Variants in INTS7 observed in about 807,000 individuals in gnomAD.
INTS7 encodes chromosome 1 open reading frame 73.
INTS7 carries 46 observed loss-of-function variants against 109.2 expected under a neutral mutation model. The observed-to-expected ratio is 0.42, with a 90% CI of 0.33 to 0.54. The LOEUF (loss-of-function observed/expected upper bound fraction) is 0.54, where lower values mean the gene tolerates loss of function less well. Ranked by LOEUF, INTS7 falls within the 20% of genes least tolerant of loss-of-function variation. The probability of loss-of-function intolerance (pLI) is 0.07; values close to 1 mark genes in which losing one functional copy is unlikely to be tolerated. For missense variants in INTS7, 929 were observed against 1,132.4 expected (o/e 0.82, Z 2.58); for synonymous variants, 412 against 402.9 (o/e 1.02, Z -0.27).
intron 16 of INTS7, among the ~76,000 whole-genome samples, chr1:211,961,497 T>C (rs922627922): frequency 6.6e-6 from 1 of 151,880 alleles, no homozygotes; most frequent in Non-Finnish European, 1.5e-5. Flanking sequence ...TGGCATGATC[T>C]TGGCTCACTG....
intron 1 of INTS7, among the ~76,000 whole-genome samples, chr1:212,023,889 A>G (rs1214911298): frequency 6.6e-6 from 1 of 151,872 alleles, no homozygotes; most frequent in Non-Finnish European, 1.5e-5. Flanking sequence ...TAATTTTTGT[A>G]TATGGTGAAA....
At position 212,024,408 on chromosome 1, in the gene INTS7, G is replaced by T. The variant is rs1666833339; in HGVS notation, c.95-3196C>A. On this transcript the variant is annotated intron_variant, in intron 1 of 19. Coordinates refer to ENST00000366994, the MANE Select transcript of INTS7 (RefSeq NM_015434.4). ...AGTGTTTTGTAGTTCTCGTTGTAGA[G>T]ATCTTTCACCTCCTTGGTTAGATGT... Among the ~76,000 whole-genome samples, 2 of 152,034 alleles carry T rather than the reference G, an allele frequency of 1.3e-5. 1 individual carries two copies. Among genetic ancestry groups the T allele is most frequent in the Admixed American group, 1.3e-4 (2 of 15,266 alleles).
intron 18 of INTS7, 61 bp from the exon 19 acceptor site, chr1:211,945,030 A>C (rs963519401): frequency 8.1e-5 from 122 of 1,505,704 alleles, no homozygotes; most frequent in Non-Finnish European, 7.8e-5. Flanking sequence ...TCCGACAAAC[A>C]TGTCTGTGCT....
intron 7 of INTS7, among the ~76,000 whole-genome samples, chr1:211,999,669 C>T (rs571411851): frequency 6.6e-6 from 1 of 152,214 alleles, no homozygotes; most frequent in East Asian, 1.9e-4. Context: ...ACATAATTTA[C>T]AAAATGCGGT....
At chr1:211,984,288 C>T (rs1029307677) in intron 8 of INTS7, among the ~76,000 whole-genome samples, 1 of 152,114 alleles carries the variant, frequency 6.6e-6, no homozygotes, top group South Asian at 2.1e-4. Flanking sequence ...TATAAATTTA[C>T]AAACATGTTT....
chr1:211,985,186 GTTT>G (rs1420301605), intron 8 of INTS7, among the ~76,000 whole-genome samples: 1 of 152,090 alleles, frequency 6.6e-6, no homozygotes, highest in Non-Finnish European at 1.5e-5. Context: ...AACACACCAT[GTTT>G]ATCAAACTTC....
At chr1:211,947,666 C>G (rs2808387) in intron 17 of INTS7, among the ~76,000 whole-genome samples, 6,825 of 152,272 alleles carry the variant, frequency 0.045, 211 homozygotes, top group African/African-American at 0.08. Context: ...CTGAGGGTCC[C>G]AGCCGCTTAC....
Position 211,959,375 on chromosome 1 carries a change from G to A in INTS7, c.2184-6674C>T, listed in dbSNP as rs1663508636. On this transcript the variant is annotated intron_variant, in intron 16 of 19. Transcript: ENST00000366994. The surrounding 1 kb of genome is among the most constrained non-coding windows in gnomAD (Gnocchi z 4.2). ...CAACCTGGCTGTGCCTGCTTGCAGTGCAGCCTTGGGTGTCCTGGGGGGCCT... is the reference window on the plus strand; with the variant it reads ...CAACCTGGCTGTGCCTGCTTGCAGTACAGCCTTGGGTGTCCTGGGGGGCCT... Among the ~76,000 whole-genome samples, 1 of 152,184 alleles carries A rather than the reference G, an allele frequency of 6.6e-6. No individual in the cohort carries two copies. Among genetic ancestry groups the A allele is most frequent in the South Asian group, 2.1e-4 (1 of 4,836 alleles).
chr1:211,949,073 C>G (rs1391391890), intron 17 of INTS7, among the ~76,000 whole-genome samples: 3 of 152,232 alleles, frequency 2.0e-5, no homozygotes, highest in Admixed American at 6.5e-5. Flanking sequence ...TTCTGTGGCA[C>G]CTGATAATGC....
chr1:212,015,070 C>T (rs542087163), intron 4 of INTS7, among the ~76,000 whole-genome samples: 14 of 141,698 alleles, frequency 9.9e-5, no homozygotes, highest in South Asian at 4.2e-4. Flanking sequence ...GCCCGGCAGC[C>T]GCCCCATCCG....
chr1:211,968,865 G>C (rs1476109588), intron 13 of INTS7, among the ~76,000 whole-genome samples, 158 bp from the exon 14 acceptor site: 3 of 152,142 alleles, frequency 2.0e-5, no homozygotes, highest in Non-Finnish European at 4.4e-5. Context: ...TGTAATATTA[G>C]AATGAAAAAT....
chr1:212,014,564 CCCCTCT>C (rs1558054422), intron 4 of INTS7, among the ~76,000 whole-genome samples: 1 of 151,560 alleles, frequency 6.6e-6, no homozygotes, highest in African/African-American at 2.4e-5. Context: ...CCTCCCCCTC[CCCCTCT>C]CCCCACGGTC....
At chr1:212,005,117 C>T (rs114352379) in intron 7 of INTS7, among the ~76,000 whole-genome samples, 2,387 of 151,930 alleles carry the variant, frequency 0.016, 27 homozygotes, top group Non-Finnish European at 0.024. Flanking sequence ...TAGGCCCATG[C>T]GGAAATAACC....
intron 8 of INTS7, among the ~76,000 whole-genome samples, chr1:211,985,074 G>A (rs891367200): frequency 2.0e-5 from 3 of 152,176 alleles, no homozygotes; most frequent in African/African-American, 7.2e-5. Context: ...GAAGTGGAAA[G>A]TCTGGGTTAT....
At chr1:211,952,433 A>G (rs1663139611) in intron 17 of INTS7, 136 bp downstream of exon 17, 3 of 740,280 alleles carry the variant, frequency 4.1e-6, no homozygotes, top group Non-Finnish European at 6.6e-6. Context: ...GCTGTGAGGT[A>G]GGTATTAACC....
chr1:211,993,434 C>T (rs1048025140), intron 7 of INTS7, among the ~76,000 whole-genome samples: 2 of 152,148 alleles, frequency 1.3e-5, no homozygotes, highest in Admixed American at 1.3e-4. Flanking sequence ...AATCCCAGCA[C>T]TTTGGGAGGC....
chr1:212,016,146 A>C (rs1182317640), intron 4 of INTS7, among the ~76,000 whole-genome samples: 5 of 152,218 alleles, frequency 3.3e-5, no homozygotes, highest in African/African-American at 1.2e-4. Context: ...TTGTTGTTAC[A>C]AGTAACACTA....
intron 7 of INTS7, among the ~76,000 whole-genome samples, chr1:211,994,686 G>A (rs533722809): frequency 6.1e-4 from 92 of 150,568 alleles, no homozygotes; most frequent in African/African-American, 2.1e-3. Context: ...GCCTACCTCC[G>A]CCTCCCCAAG....
intron 7 of INTS7, among the ~76,000 whole-genome samples, chr1:211,999,014 ACT>A (rs1665538762): frequency 6.6e-6 from 1 of 152,064 alleles, no homozygotes; most frequent in South Asian, 2.1e-4. Context: ...CAGAACTAAA[ACT>A]CTTATATATG....
Sources: allele counts gnomAD v4.1 joint callset (sites outside exome capture counted in the v4.1 genomes callset), GRCh38; gene constraint gnomAD v4.1.1; non-coding constraint Gnocchi (gnomAD v3.1); transcripts MANE v1.5; gene names NCBI Gene and HGNC (gene_info 2026-07-23, HGNC 2026-07-21).